Variants in FBXO4 observed in about 807,000 individuals in gnomAD.
The protein encoded by FBXO4 is F-box protein 4.
Under a neutral mutation model 43.7 loss-of-function variants are expected in FBXO4, and 36 were observed. The observed-to-expected ratio is 0.82, with a 90% confidence interval of 0.63 to 1.09. The LOEUF (loss-of-function observed/expected upper bound fraction) is 1.09, where lower values mean the gene tolerates loss of function less well. Among genes scored for constraint, FBXO4 ranks in the 50% least tolerant of loss-of-function variants. The pLI is 0.00. For synonymous variants in FBXO4, 180 were observed against 165.6 expected (o/e 1.09, Z -0.67); for missense variants, 435 against 474.1 (o/e 0.92, Z 0.77).
the FBXO4 span, among the ~76,000 whole-genome samples, chr5:42,010,378 C>T: frequency 1.8e-4 from 28 of 152,034 alleles, no homozygotes; most frequent in East Asian, 7.8e-4. Context: ...CATGGTAGCA[C>T]GTGCCTGTAA....
At chr5:42,020,886 T>TA in the FBXO4 span, among the ~76,000 whole-genome samples, 1 of 152,124 alleles carries the variant, frequency 6.6e-6, no homozygotes, top group Admixed American at 6.6e-5. Context: ...ATATTTAAAC[T>TA]AAGACCTTAA....
In FBXO4 at chr5:41,941,181, T is replaced by C. The variant is rs372987274; in HGVS notation, c.1075-11T>C. The C allele has an allele frequency of 3.5e-5, 56 of 1,610,634 alleles. No homozygotes were observed. The highest frequency in any genetic ancestry group is 2.3e-4 in the Admixed American group (14 of 59,990). On this transcript the variant is annotated splice_polypyrimidine_tract_variant and intron_variant, in intron 6 of 6. Coordinates refer to ENST00000281623, the MANE Select transcript of FBXO4 (RefSeq NM_012176.3). The stretch of plus-strand genomic sequence containing the variant: ...TTCTTACTAACAACATTCTCTCTTA[T>C]GTATTCCGAGGTCCAGGATACAGAG...
the FBXO4 span, among the ~76,000 whole-genome samples, chr5:41,987,258 T>C: frequency 6.6e-6 from 1 of 152,156 alleles, no homozygotes; most frequent in Non-Finnish European, 1.5e-5. Flanking sequence ...TTAATTTCAT[T>C]GTAATATAAT....
the FBXO4 span, among the ~76,000 whole-genome samples, chr5:42,007,803 C>A: frequency 1.3e-4 from 20 of 152,018 alleles, no homozygotes; most frequent in Non-Finnish European, 2.5e-4. Context: ...GGTGGAGTGG[C>A]GCCAACATAT....
At chr5:42,019,689 C>T in the FBXO4 span, among the ~76,000 whole-genome samples, 1 of 144,298 alleles carries the variant, frequency 6.9e-6, no homozygotes, top group African/African-American at 2.6e-5. Context: ...AGCAAGACTC[C>T]GTCTCAAAAA....
chr5:41,933,514 G>A (rs1751756216), intron 3 of FBXO4, among the ~76,000 whole-genome samples: 1 of 151,626 alleles, frequency 6.6e-6, no homozygotes, highest in Non-Finnish European at 1.5e-5. Flanking sequence ...CACTGTGCCT[G>A]CCCCCCCCAT....
the FBXO4 span, among the ~76,000 whole-genome samples, chr5:41,987,959 C>T: frequency 6.6e-6 from 1 of 152,142 alleles, no homozygotes; most frequent in Non-Finnish European, 1.5e-5. Context: ...ATGCCAATGG[C>T]CCTGCCATAT....
At chr5:41,950,171 G>T in the FBXO4 span, among the ~76,000 whole-genome samples, 2 of 152,070 alleles carry the variant, frequency 1.3e-5, no homozygotes, top group South Asian at 4.2e-4. Flanking sequence ...ACTTCATGAC[G>T]AAAACACCAA....
the FBXO4 span, among the ~76,000 whole-genome samples, chr5:41,966,005 G>T: frequency 1.3e-5 from 2 of 152,256 alleles, no homozygotes; most frequent in African/African-American, 4.8e-5. Context: ...TAGGGACATG[G>T]ATGAAGCTGG....
At chr5:41,953,604 G>C in the FBXO4 span, among the ~76,000 whole-genome samples, 1 of 149,494 alleles carries the variant, frequency 6.7e-6, no homozygotes, top group African/African-American at 2.4e-5. Flanking sequence ...CTAGTTTACA[G>C]TCCCACCAAC....
chr5:41,975,621 G>A, the FBXO4 span, among the ~76,000 whole-genome samples: 2 of 152,130 alleles, frequency 1.3e-5, no homozygotes, highest in African/African-American at 4.8e-5. Flanking sequence ...GTAATAAGCT[G>A]GTACCTCACT....
chr5:41,985,151 A>G, the FBXO4 span, among the ~76,000 whole-genome samples: 8 of 152,162 alleles, frequency 5.3e-5, no homozygotes, highest in Non-Finnish European at 8.8e-5. Context: ...TGATTTTTCT[A>G]TCGTCAAATC....
chr5:41,989,926 G>T, the FBXO4 span, among the ~76,000 whole-genome samples: 1 of 152,102 alleles, frequency 6.6e-6, no homozygotes, highest in Admixed American at 6.6e-5. Flanking sequence ...TAGGACTGGG[G>T]AAATACGGCA....
chr5:41,942,274 C>T (rs1479262458), downstream of FBXO4, among the ~76,000 whole-genome samples: 2 of 151,958 alleles, frequency 1.3e-5, no homozygotes, highest in Admixed American at 6.5e-5. Context: ...TATGGTTTCA[C>T]ATTTGTCAGA....
At chr5:42,007,575 G>A in the FBXO4 span, among the ~76,000 whole-genome samples, 1 of 152,152 alleles carries the variant, frequency 6.6e-6, no homozygotes, top group East Asian at 1.9e-4. Context: ...TGATTAATCT[G>A]AGTACCCAGT....
chr5:41,941,451 T>G lies in FBXO4; in HGVS notation c.*170T>G, dbSNP rs890201070. On this transcript the variant is annotated 3_prime_UTR_variant, in exon 7 of 7. Coordinates refer to ENST00000281623, the MANE Select transcript of FBXO4 (RefSeq NM_012176.3). ...TATTATTTTTACTCTTTACCATAAA[T>G]CAATTACAAGAAAAGAGTTTCAGTC... 7.1e-6 allele frequency: 3 copies of G among 422,916 alleles called. No homozygotes were observed. The highest frequency in any genetic ancestry group is 1.3e-5 in the Non-Finnish European group (3 of 233,808). 26.2% of individuals were successfully genotyped at this position (422,916 alleles called of 1,614,324 possible).
the FBXO4 span, among the ~76,000 whole-genome samples, chr5:41,957,404 G>A: frequency 2.0e-5 from 3 of 147,550 alleles, no homozygotes; most frequent in Non-Finnish European, 4.5e-5. Context: ...ATTTAATTAT[G>A]ATTATATTAT....
chr5:41,953,040 C>T, the FBXO4 span, among the ~76,000 whole-genome samples: 2 of 151,700 alleles, frequency 1.3e-5, no homozygotes, highest in Non-Finnish European at 2.9e-5. Context: ...TACATGTGCA[C>T]AATGTGCAGG....
chr5:42,019,576 T>C, the FBXO4 span, among the ~76,000 whole-genome samples: 958 of 151,886 alleles, frequency 6.3e-3, 8 homozygotes, highest in Middle Eastern at 0.027. Context: ...TAGTCCTAGC[T>C]ACTCAGGAAG....
Sources: allele counts gnomAD v4.1 joint callset (sites outside exome capture counted in the v4.1 genomes callset), GRCh38; gene constraint gnomAD v4.1.1; transcripts MANE v1.5; gene names NCBI Gene and HGNC (gene_info 2026-07-23, HGNC 2026-07-21).